The following CUX2 variants were observed in gnomAD, a reference collection of about 807,000 sequenced individuals.
CUX2 encodes the protein homeobox protein cut-like 2.
Under a neutral mutation model 144.8 loss-of-function variants are expected in CUX2, and 40 were observed. The observed-to-expected ratio is 0.28, with a 90% confidence interval of 0.21 to 0.36. The LOEUF is 0.36. Ranked by LOEUF, CUX2 falls within the 10% of genes least tolerant of loss-of-function variation. The probability of loss-of-function intolerance (pLI) is 1.00; values close to 1 mark genes in which losing one functional copy is unlikely to be tolerated. For missense variants in CUX2, 1,615 were observed against 1,994.0 expected (o/e 0.81, Z 3.62); for synonymous variants, 827 against 875.6 (o/e 0.94, Z 0.98).
At chr12:111,229,567 TG>T (rs1565861968) in intron 3 of CUX2, among the ~76,000 whole-genome samples, 1 of 152,070 alleles carries the variant, frequency 6.6e-6, no homozygotes, top group Admixed American at 6.6e-5. Context: ...TTGTTTATCC[TG>T]GGGGGATGGG....
chr12:111,190,053 A>G lies in CUX2; in HGVS notation c.64-24147A>G, dbSNP rs779249328. Reference sequence around the variant, plus strand: ...TGTAGCACTATCTCCTTGTGGCTTAAATTTTCATTTCCTTGGTGACAGATG... The same window carrying G: ...TGTAGCACTATCTCCTTGTGGCTTAGATTTTCATTTCCTTGGTGACAGATG... On this transcript the variant is annotated intron_variant, in intron 1 of 21. Coordinates refer to ENST00000261726, the MANE Select transcript of CUX2 (RefSeq NM_015267.4). The surrounding 1 kb of genome is among the most constrained non-coding windows in gnomAD (Gnocchi z 4.0). 6.6e-6 allele frequency among the ~76,000 whole-genome samples: 1 copy of G among 152,046 alleles called. No individual in the cohort carries two copies. Among genetic ancestry groups the G allele is most frequent in the Admixed American group, 6.5e-5 (1 of 15,280 alleles).
intron 3 of CUX2, among the ~76,000 whole-genome samples, chr12:111,261,565 G>A (rs957818467): frequency 1.3e-5 from 2 of 152,084 alleles, no homozygotes; most frequent in Non-Finnish European, 2.9e-5. Flanking sequence ...TCAATTGCAT[G>A]TCCCCAGAAA....
rs369788655 is a variant in CUX2 at position 111,311,603 on chromosome 12, A to ATTT, written c.1901-486_1901-484dup. On this transcript the variant is annotated intron_variant, in intron 15 of 21. Coordinates refer to ENST00000261726, the MANE Select transcript of CUX2 (RefSeq NM_015267.4). ...TGTACCCTATTTCTTTATTATTATT[A>ATTT]TTTTTTTTTTTTTGAGACGGAGTCT... 5.6e-3 allele frequency among the ~76,000 whole-genome samples: 734 copies of ATTT among 131,050 alleles called. 14 individuals carry two copies. The highest frequency in any genetic ancestry group is 0.019 in the African/African-American group (672 of 35,536). 86.0% of individuals were successfully genotyped at this position (131,050 alleles called of 152,430 possible). A position where few individuals can be genotyped will look rare whatever the true frequency, so the allele number is the denominator to read the frequency against.
chr12:111,181,174 G>A (rs1879150127), intron 1 of CUX2, among the ~76,000 whole-genome samples: 3 of 152,222 alleles, frequency 2.0e-5, no homozygotes, highest in South Asian at 2.1e-4. Context: ...TGTCAGAGGC[G>A]GTTTGTGCAT....
chr12:111,203,371 C>T lies in CUX2; in HGVS notation c.64-10829C>T, dbSNP rs547660357. On this transcript the variant is annotated intron_variant, in intron 1 of 21. Coordinates refer to ENST00000261726, the MANE Select transcript of CUX2 (RefSeq NM_015267.4). ...ACCAGCCTGGGCAACTTAGTGAGAC[C>T]TTGTCCCTACAAAAAAATAAAAAGT... Among the ~76,000 whole-genome samples the T allele has an allele frequency of 1.4e-4, 21 of 151,840 alleles. No homozygotes were observed. In the South Asian group the frequency reaches 4.0e-3, roughly 29 times the overall value.
chr12:111,136,411 G>T (rs973655145), intron 1 of CUX2, among the ~76,000 whole-genome samples: 1 of 152,060 alleles, frequency 6.6e-6, no homozygotes, highest in Non-Finnish European at 1.5e-5. Flanking sequence ...TCTGCTTTGG[G>T]GCCAGAGGGG....
intron 1 of CUX2, among the ~76,000 whole-genome samples, chr12:111,053,522 T>A (rs1252146970): frequency 2.6e-5 from 4 of 152,366 alleles, no homozygotes; most frequent in Non-Finnish European, 1.5e-5. Flanking sequence ...GTCTCCATCC[T>A]TAGCATTCTG....
chr12:111,136,589 T>A (rs1256958691), intron 1 of CUX2, among the ~76,000 whole-genome samples: 5 of 152,254 alleles, frequency 3.3e-5, no homozygotes, highest in African/African-American at 1.2e-4. Context: ...AGCTCTTGGT[T>A]GGGCACTGTG....
At chr12:111,205,273 A>C (rs1194727648) in intron 1 of CUX2, among the ~76,000 whole-genome samples, 2 of 151,962 alleles carry the variant, frequency 1.3e-5, no homozygotes, top group Non-Finnish European at 2.9e-5. Context: ...CCTGCCCCGC[A>C]GTAGATAGAA....
chr12:111,270,697 T>C (rs371430188), intron 4 of CUX2: 1 of 150,774 alleles, frequency 6.6e-6, no homozygotes, highest in Non-Finnish European at 1.5e-5. Context: ...CAGATGAACA[T>C]TGCTGAGGAG....
At position 111,310,344 on chromosome 12, in the gene CUX2, C is replaced by G; in HGVS notation, c.1562C>G (p.Ala521Gly). 9 of 1,547,756 alleles carry G rather than the reference C, an allele frequency of 5.8e-6. No individual in the cohort carries two copies. The highest frequency in any genetic ancestry group is 7.9e-6 in the Non-Finnish European group (9 of 1,143,664). Residue 521 changes from alanine to glycine, a missense_variant, in exon 15 of 22, where the codon GCC becomes GGC. By Grantham distance (60) the Ala-to-Gly change is moderately conservative. Around this residue, in one of 12 missense-constraint regions of CUX2, gnomAD observed 154 missense variants for 148.4 expected, o/e 1.04. Transcript: ENST00000261726. The surrounding 1 kb of genome is among the most constrained non-coding windows in gnomAD (Gnocchi z 7.9). ...FYGAKPPTAP[A>G]TPAPGPEPLG... is the part of the protein sequence containing the mutation. ...GGCGCCAAGCCCCCCACAGCCCCTG[C>G]CACCCCGGCCCCTGGCCCTGAGCCA...
intron 1 of CUX2, among the ~76,000 whole-genome samples, chr12:111,136,247 A>G (rs947727283): frequency 6.6e-6 from 1 of 152,136 alleles, no homozygotes; most frequent in African/African-American, 2.4e-5. Flanking sequence ...GATTCTCGGT[A>G]GAATTTAAAG....
At chr12:111,268,952 G>T (rs1884514575) in intron 4 of CUX2, among the ~76,000 whole-genome samples, 1 of 152,196 alleles carries the variant, frequency 6.6e-6, no homozygotes, top group South Asian at 2.1e-4. Flanking sequence ...ACACGAGGGG[G>T]CAGCGCTGAG....
At chr12:111,225,373 C>G (rs10082818) in intron 3 of CUX2, among the ~76,000 whole-genome samples, 47,393 of 152,136 alleles carry the variant, frequency 0.31, 8,788 homozygotes, top group East Asian at 0.65. Context: ...CCCGCAGCCC[C>G]TGATGGTGAG....
intron 1 of CUX2, among the ~76,000 whole-genome samples, chr12:111,115,040 G>A (rs1874204730): frequency 6.6e-6 from 1 of 151,966 alleles, no homozygotes; most frequent in South Asian, 2.1e-4. Context: ...TATCCTTATA[G>A]CATTACCGTA....
Position 111,143,193 on chromosome 12 carries a change from G to A in CUX2, c.64-71007G>A, listed in dbSNP as rs114379645. Among the ~76,000 whole-genome samples the A allele has an allele frequency of 5.8e-3, 880 of 152,166 alleles. 9 individuals are homozygous for A. The highest frequency in any genetic ancestry group is 0.02 in the African/African-American group (832 of 41,488). On this transcript the variant is annotated intron_variant, in intron 1 of 21. Transcript: ENST00000261726. ...GGTATCCAGCAACCAGCAACAGGGGGGCCACATGACTCCTTGGTGCAAATC... is the reference window on the plus strand; with the variant it reads ...GGTATCCAGCAACCAGCAACAGGGGAGCCACATGACTCCTTGGTGCAAATC...
chr12:111,342,106 C>A, intron 21 of CUX2, 53 bp downstream of exon 21: 1 of 1,555,776 alleles, frequency 6.4e-7, no homozygotes. Flanking sequence ...AGGTGGGACC[C>A]CTTCCCCATC....
In CUX2 at chr12:111,314,639, TAAAAAAAAAAAA is replaced by T. The variant is rs954472479; in HGVS notation, c.2002+2456_2002+2467del. Among the ~76,000 whole-genome samples the T allele has an allele frequency of 3.0e-4, 7 of 23,238 alleles. No individual in the cohort carries two copies. The East Asian group carries it at 0.011, about 36-fold the overall frequency. The allele number at this position is 23,238 out of a possible 152,430, so 15.2% of individuals were successfully genotyped here. A position where few individuals can be genotyped will look rare whatever the true frequency, so the allele number is the denominator to read the frequency against. ...TGCGCAACAAGAGCAAAACTCAGTC[TAAAAAAAAAAAA>T]AAAAAAAAAAAAAAAAACCCCATCT... is the stretch of plus-strand genomic sequence containing the variant. On this transcript the variant is annotated intron_variant, in intron 16 of 21. Coordinates refer to ENST00000261726, the MANE Select transcript of CUX2 (RefSeq NM_015267.4).
chr12:111,283,738 T>C (rs1885244060), intron 4 of CUX2, among the ~76,000 whole-genome samples: 1 of 152,132 alleles, frequency 6.6e-6, no homozygotes, highest in Non-Finnish European at 1.5e-5. Flanking sequence ...TGTTCCCCAA[T>C]TTCTGTATTT....
Sources: gnomAD v4.1 joint callset for allele counts (sites outside exome capture counted in the v4.1 genomes callset) on GRCh38, gnomAD v4.1.1 for gene constraint, gnomAD v4.1.1 regional missense constraint, Gnocchi (gnomAD v3.1) non-coding constraint, MANE v1.5 for transcripts, NCBI Gene and HGNC (gene_info 2026-07-23, HGNC 2026-07-21) for gene names.